Variants in ZFYVE28 observed in about 807,000 individuals in gnomAD.
ZFYVE28 encodes zinc finger FYVE-type containing 28.
ZFYVE28 carries 40 observed loss-of-function variants against 82.1 expected under a neutral mutation model. The ratio of observed to expected loss-of-function variants is 0.49; its 90% CI spans 0.38 to 0.63. The LOEUF (loss-of-function observed/expected upper bound fraction) is 0.63. Ranked by LOEUF, ZFYVE28 falls within the 30% of genes least tolerant of loss-of-function variation. The probability of loss-of-function intolerance (pLI) is 0.00; values close to 1 mark genes in which losing one functional copy is unlikely to be tolerated. For missense variants in ZFYVE28, 1,321 were observed against 1,242.1 expected, an observed-to-expected ratio of 1.06 and a Z score of -0.96; for synonymous variants, 612 against 546.1, an observed-to-expected ratio of 1.12 and a Z score of -1.68.
intron 2 of ZFYVE28, among the ~76,000 whole-genome samples, chr4:2,352,911 G>A (rs929571532): frequency 6.6e-6 from 1 of 152,266 alleles, no homozygotes; most frequent in African/African-American, 2.4e-5. Context: ...GGCAGGTCTA[G>A]CACCTCTCCT....
Position 2,305,263 on chromosome 4 carries a change from C to T in ZFYVE28, c.1077G>A (p.Leu359=). ...VHRAGDEMSS[L]LSPPIACQSP... ...ACTGGCAGGCAATGGGCGGTGAAAG[C>T]AAAGAGGACATCTCGTCCCCCGCCC... Residue 359 remains leucine (L), a synonymous_variant, in exon 8 of 13, where the codon TTG becomes TTA. Transcript: ENST00000290974. 6.2e-7 allele frequency: 1 copy of T among 1,612,914 alleles called. No individual in the cohort carries two copies. Among genetic ancestry groups the T allele is most frequent in the Non-Finnish European group, 8.5e-7 (1 of 1,179,920 alleles).
At chr4:2,287,836 T>A (rs1280135401) in intron 8 of ZFYVE28, 1 of 151,900 alleles carries the variant, frequency 6.6e-6, no homozygotes, top group Non-Finnish European at 1.5e-5. Context: ...GCAGGGGGAG[T>A]CACCGTAGGA....
intron 7 of ZFYVE28, among the ~76,000 whole-genome samples, chr4:2,315,760 G>C (rs1718114670): frequency 6.6e-6 from 1 of 152,144 alleles, no homozygotes; most frequent in African/African-American, 2.4e-5. Flanking sequence ...AGGTATGCTG[G>C]TTGGTTTTTT....
chr4:2,379,079 G>C (rs1297215869), intron 1 of ZFYVE28, among the ~76,000 whole-genome samples: 1 of 152,138 alleles, frequency 6.6e-6, no homozygotes, highest in African/African-American at 2.4e-5. Context: ...ATGACAGCAG[G>C]GGGTAGACGG....
chr4:2,338,182 G>A (rs983587544), intron 4 of ZFYVE28, among the ~76,000 whole-genome samples: 13 of 152,240 alleles, frequency 8.5e-5, no homozygotes, highest in South Asian at 2.1e-4. Flanking sequence ...CCACAGCCAC[G>A]GAAGCCAGCC....
intron 8 of ZFYVE28, among the ~76,000 whole-genome samples, chr4:2,291,106 C>T (rs1196896503): frequency 3.3e-5 from 5 of 152,208 alleles, no homozygotes; most frequent in South Asian, 2.1e-4. Flanking sequence ...ACCTTGCAGG[C>T]GCTTTTGCTG....
rs373261671 is a variant in ZFYVE28, at chr4:2,346,315, C to T, written c.181-4700G>A. Among the ~76,000 whole-genome samples the T allele has an allele frequency of 1.1e-3, 155 of 146,684 alleles. 1 individual carries two copies. Among genetic ancestry groups the T allele is most frequent in the African/African-American group, 3.9e-3 (151 of 39,006 alleles). ...CGAGATCGCGCCACTGCACTCCAGC[C>T]TGGGTGACTGAGCGAGACTCCATCT... is the stretch of plus-strand genomic sequence containing the variant. On this transcript the variant is annotated intron_variant, in intron 2 of 12. Coordinates refer to ENST00000290974, the MANE Select transcript of ZFYVE28 (RefSeq NM_020972.3).
chr4:2,395,567 C>T (rs1730350777), intron 1 of ZFYVE28, among the ~76,000 whole-genome samples: 1 of 152,206 alleles, frequency 6.6e-6, no homozygotes, highest in African/African-American at 2.4e-5. Flanking sequence ...CAATGCACAC[C>T]AGTCATGAAC....
At chr4:2,334,082 G>C (rs1387974878) in intron 6 of ZFYVE28, among the ~76,000 whole-genome samples, 1 of 152,190 alleles carries the variant, frequency 6.6e-6, no homozygotes, top group African/African-American at 2.4e-5. Flanking sequence ...TCTAACGGCA[G>C]GAGGATTTCC....
rs903513226 is a variant in ZFYVE28 at position 2,341,314 on chromosome 4, C to T, written c.318+164G>A. ...CTTTCCCAGATCCTCCAGGGGTGCA[C>T]GGCCTACCAGGCTCAGACCACACCA... is the stretch of plus-strand genomic sequence containing the variant. On this transcript the variant is annotated intron_variant, in intron 3 of 12. Coordinates refer to ENST00000290974, the MANE Select transcript of ZFYVE28 (RefSeq NM_020972.3). This position sits in a 1 kb window ranked among gnomAD's most constrained non-coding sequence, Gnocchi z 4.5. 8.9e-5 allele frequency: 82 copies of T among 916,918 alleles called. No homozygotes were observed. In the Middle Eastern group the frequency reaches 1.4e-3, roughly 15 times the overall value. The allele number at this position is 916,918 out of a possible 1,614,324, so 56.8% of individuals were successfully genotyped here. A position where few individuals can be genotyped will look rare whatever the true frequency, so the allele number is the denominator to read the frequency against.
chr4:2,308,659 A>AAGAAAGAG lies in ZFYVE28; in HGVS notation c.804-3124_804-3123insCTCTTTCT, dbSNP rs1553830596. Among the ~76,000 whole-genome samples, 11 of 127,238 alleles carry AAGAAAGAG rather than the reference A, an allele frequency of 8.6e-5. No homozygotes were observed. The East Asian group carries it at 2.0e-3, about 24-fold the overall frequency. The allele number at this position is 127,238 out of a possible 152,430, so 83.5% of individuals were successfully genotyped here. The stretch of plus-strand genomic sequence containing the variant: ...AAAGAAAGAAAGAAAGAAAGAAAGA[A>AAGAAAGAG]AGAAAGAAAGAAAGAAAGAGAAAGA... On this transcript the variant is annotated intron_variant, in intron 7 of 12. Coordinates refer to ENST00000290974, the MANE Select transcript of ZFYVE28 (RefSeq NM_020972.3).
chr4:2,356,789 G>A (rs1725398988), intron 1 of ZFYVE28, among the ~76,000 whole-genome samples: 1 of 152,228 alleles, frequency 6.6e-6, no homozygotes, highest in African/African-American at 2.4e-5. Context: ...CCTTCCCCAA[G>A]GCCCGAGCCC....
chr4:2,405,819 A>G (rs1391348465), intron 1 of ZFYVE28, among the ~76,000 whole-genome samples: 3 of 152,206 alleles, frequency 2.0e-5, no homozygotes, highest in Non-Finnish European at 4.4e-5. Flanking sequence ...AGGCCAAGGC[A>G]GGGGGATCAT....
intron 6 of ZFYVE28, among the ~76,000 whole-genome samples, chr4:2,321,550 T>C (rs2108838660): frequency 6.6e-6 from 1 of 151,990 alleles, no homozygotes; most frequent in East Asian, 1.9e-4. Context: ...TTCTGCTTGG[T>C]CTCCTTTGTG....
chr4:2,272,995 G>A (rs925416732), intron 10 of ZFYVE28, among the ~76,000 whole-genome samples, 178 bp downstream of exon 10: 3 of 152,204 alleles, frequency 2.0e-5, no homozygotes, highest in African/African-American at 7.2e-5. Flanking sequence ...TCCCCAGCAG[G>A]AAGGGCAGCC....
rs1439472844 is a variant in ZFYVE28, at chr4:2,362,237, C to T, written c.40-8164G>A. Among the ~76,000 whole-genome samples, 1 of 152,116 alleles carries T rather than the reference C, an allele frequency of 6.6e-6. No individual in the cohort carries two copies. Among genetic ancestry groups the T allele is most frequent in the Non-Finnish European group, 1.5e-5 (1 of 68,014 alleles). ...GGCTGGAGCATGCAGGGGTGAGGACCAGGTGTCTGAGGCACCGCCTGGGCC... is the reference window on the plus strand; with the variant it reads ...GGCTGGAGCATGCAGGGGTGAGGACTAGGTGTCTGAGGCACCGCCTGGGCC... On this transcript the variant is annotated intron_variant, in intron 1 of 12. Transcript: ENST00000290974. The surrounding 1 kb of genome is among the most constrained non-coding windows in gnomAD (Gnocchi z 5.1).
rs2108818836 is a variant in ZFYVE28, at chr4:2,300,817, C to T, written c.2051+3472G>A. 6.6e-6 allele frequency among the ~76,000 whole-genome samples: 1 copy of T among 152,318 alleles called. No individual in the cohort carries two copies. The highest frequency in any genetic ancestry group is 1.9e-4 in the East Asian group (1 of 5,182). On this transcript the variant is annotated intron_variant, in intron 8 of 12. Transcript: ENST00000290974. The surrounding 1 kb of genome is among the most constrained non-coding windows in gnomAD (Gnocchi z 4.6). Reference sequence around the variant, plus strand: ...GAATCAAGGCCGTGCCCACTGTTCCCTCTGAACCGTCCACGCCACAACCAC... The same window carrying T: ...GAATCAAGGCCGTGCCCACTGTTCCTTCTGAACCGTCCACGCCACAACCAC...
At chr4:2,360,741 G>C (rs1560281347) in intron 1 of ZFYVE28, among the ~76,000 whole-genome samples, 1 of 152,188 alleles carries the variant, frequency 6.6e-6, no homozygotes, top group Non-Finnish European at 1.5e-5. Context: ...CCATTTCTAA[G>C]TATGCAGAGT....
At chr4:2,383,512 C>T (rs188264453) in intron 1 of ZFYVE28, among the ~76,000 whole-genome samples, 37 of 152,302 alleles carry the variant, frequency 2.4e-4, no homozygotes, top group Admixed American at 3.9e-4. Context: ...TTATCAGCAG[C>T]GTGAAAACAG....
Sources: gnomAD v4.1 joint callset for allele counts (sites outside exome capture counted in the v4.1 genomes callset) on GRCh38, gnomAD v4.1.1 for gene constraint, Gnocchi (gnomAD v3.1) non-coding constraint, MANE v1.5 for transcripts, NCBI Gene and HGNC (gene_info 2026-07-23, HGNC 2026-07-21) for gene names.